The following RHOBTB2 variants were observed in gnomAD, a reference collection of about 807,000 sequenced individuals.
The protein encoded by RHOBTB2 is rho-related BTB domain-containing protein 2.
Under a neutral mutation model 66.5 loss-of-function variants are expected in RHOBTB2, and 39 were observed. That is an observed-to-expected ratio of 0.59 (90% CI 0.45 to 0.77). RHOBTB2 has a LOEUF of 0.77. Among genes scored for constraint, RHOBTB2 ranks in the 30% least tolerant of loss-of-function variants. The pLI is 0.00. For synonymous variants in RHOBTB2, 390 were observed against 395.0 expected (o/e 0.99, Z 0.15); for missense variants, 755 against 999.1 (o/e 0.76, Z 3.29).
the RHOBTB2 span, among the ~76,000 whole-genome samples, chr8:22,953,278 T>A: frequency 6.6e-6 from 1 of 152,178 alleles, no homozygotes; most frequent in Non-Finnish European, 1.5e-5. Context: ...ACTCCTAAGA[T>A]CTTATTGTTG....
At chr8:23,008,897 G>A (rs1414854460) in intron 6 of RHOBTB2, among the ~76,000 whole-genome samples, 1 of 152,070 alleles carries the variant, frequency 6.6e-6, no homozygotes, top group Admixed American at 6.6e-5. Flanking sequence ...TGGGCTGTGG[G>A]CTCTGGATTG....
chr8:22,958,563 T>C, the RHOBTB2 span, among the ~76,000 whole-genome samples: 3 of 151,848 alleles, frequency 2.0e-5, no homozygotes, highest in East Asian at 1.9e-4. Context: ...CTTTGGGAAG[T>C]TGAGGCAGCA....
upstream of RHOBTB2, among the ~76,000 whole-genome samples, chr8:22,986,973 A>G (rs1361150255): frequency 6.6e-6 from 1 of 152,130 alleles, no homozygotes; most frequent in African/African-American, 2.4e-5. Flanking sequence ...AACCACCCCT[A>G]CCTTGCTTCT....
At chr8:22,952,415 G>T in the RHOBTB2 span, among the ~76,000 whole-genome samples, 1 of 152,026 alleles carries the variant, frequency 6.6e-6, no homozygotes, top group African/African-American at 2.4e-5. Context: ...TACCCTTAAA[G>T]GCAGGAGTCT....
At chr8:22,979,742 C>CTTTTTTTTTTT in the RHOBTB2 span, among the ~76,000 whole-genome samples, 5 of 84,094 alleles carry the variant, frequency 5.9e-5, no homozygotes, top group Admixed American at 1.4e-4. Flanking sequence ...TCTTTTCTTT[C>CTTTTTTTTTTT]TTTTTTTTTT....
the RHOBTB2 span, among the ~76,000 whole-genome samples, chr8:22,970,864 T>C: frequency 6.6e-6 from 1 of 152,192 alleles, no homozygotes; most frequent in Non-Finnish European, 1.5e-5. Context: ...ACTGTGACAG[T>C]CTTTACCTCC....
chr8:23,001,332 A>G (rs1810772724), intron 1 of RHOBTB2, among the ~76,000 whole-genome samples: 1 of 152,058 alleles, frequency 6.6e-6, no homozygotes, highest in Non-Finnish European at 1.5e-5. Context: ...GGGGAAGCTG[A>G]GAGGCTCACT....
chr8:22,959,174 G>A, the RHOBTB2 span, among the ~76,000 whole-genome samples: 8 of 152,212 alleles, frequency 5.3e-5, no homozygotes, highest in East Asian at 1.9e-4. Flanking sequence ...TCCCTTCGCC[G>A]CACTACCCCA....
upstream of RHOBTB2, among the ~76,000 whole-genome samples, chr8:22,986,348 C>G (rs1257429233): frequency 6.7e-6 from 1 of 149,630 alleles, no homozygotes; most frequent in Non-Finnish European, 1.5e-5. Context: ...GCAGCTGCAG[C>G]CTCAACTTCC....
At chr8:22,986,564 T>G (rs1810292502), upstream of RHOBTB2, among the ~76,000 whole-genome samples, 3 of 152,072 alleles carry the variant, frequency 2.0e-5, no homozygotes. Context: ...TGGCCCCCAG[T>G]GCATTGTTAT....
the RHOBTB2 span, among the ~76,000 whole-genome samples, chr8:22,975,890 G>A: frequency 6.6e-6 from 1 of 152,150 alleles, no homozygotes; most frequent in Non-Finnish European, 1.5e-5. Flanking sequence ...GCTCACACCT[G>A]TAATCTCAGC....
At chr8:23,013,135 G>A (rs771030068) in intron 7 of RHOBTB2, among the ~76,000 whole-genome samples, 9 of 151,868 alleles carry the variant, frequency 5.9e-5, no homozygotes, top group Non-Finnish European at 8.8e-5. Flanking sequence ...AGGTCTCACT[G>A]TGTTGCCTGG....
At chr8:22,996,500 T>G (rs1346677976), upstream of RHOBTB2, among the ~76,000 whole-genome samples, 3 of 560 alleles carry the variant, frequency 5.4e-3, no homozygotes, top group Admixed American at 0.03. Context: ...AGGGCTGGTG[T>G]GTGTGTGTGT....
the RHOBTB2 span, among the ~76,000 whole-genome samples, chr8:22,958,718 C>T: frequency 7.4e-6 from 1 of 134,906 alleles, no homozygotes; most frequent in Non-Finnish European, 1.5e-5. Context: ...GGGAGGATTG[C>T]TTGATGCCAG....
At chr8:22,954,910 T>C in the RHOBTB2 span, among the ~76,000 whole-genome samples, 1 of 152,224 alleles carries the variant, frequency 6.6e-6, no homozygotes, top group Non-Finnish European at 1.5e-5. Context: ...GGTGGGCAGA[T>C]CACTTGAGGT....
intron 1 of RHOBTB2, among the ~76,000 whole-genome samples, chr8:23,002,063 C>T (rs1173752194): frequency 1.3e-5 from 2 of 152,210 alleles, no homozygotes; most frequent in Non-Finnish European, 2.9e-5. Context: ...TGTCAAGGTG[C>T]TCCTGAATTT....
Position 23,007,280 on chromosome 8 carries a change from T to C in RHOBTB2, c.1035T>C (p.Phe345=), listed in dbSNP as rs1810994534. Residue 345 remains phenylalanine (F), a synonymous_variant, in exon 5 of 10, where the codon TTT becomes TTC. Transcript: ENST00000251822. ...GRDFLLRAAS[F]DVCESVDEAG... Reference sequence around the variant, plus strand: ...ACTTCCTGCTCCGAGCAGCCAGCTTTGACGTGTGCGAGAGCGTGGATGAGG... The same window carrying C: ...ACTTCCTGCTCCGAGCAGCCAGCTTCGACGTGTGCGAGAGCGTGGATGAGG... 5.0e-6 allele frequency: 8 copies of C among 1,613,478 alleles called. No individual in the cohort carries two copies. The Middle Eastern group carries it at 9.9e-4, about 199-fold the overall frequency.
chr8:22,984,027 C>T (rs1810253726), upstream of RHOBTB2, among the ~76,000 whole-genome samples: 1 of 152,172 alleles, frequency 6.6e-6, no homozygotes, highest in South Asian at 2.1e-4. Context: ...AGCCACTGCG[C>T]CCAGCCAGTG....
At chr8:23,010,732 A>G in intron 7 of RHOBTB2, 44 bp downstream of exon 7, 1 of 1,603,860 alleles carries the variant, frequency 6.2e-7, no homozygotes, top group Admixed American at 1.7e-5. Flanking sequence ...GGCAGAGGCC[A>G]GGGAAACCCC....
Sources: allele counts gnomAD v4.1 joint callset (sites outside exome capture counted in the v4.1 genomes callset), GRCh38; gene constraint gnomAD v4.1.1; transcripts MANE v1.5; gene names NCBI Gene and HGNC (gene_info 2026-07-23, HGNC 2026-07-21).